NVL: variants seen among roughly 807,000 people sequenced by gnomAD.
The protein encoded by NVL is nuclear valosin-containing protein-like.
Under a neutral mutation model 110.2 loss-of-function variants are expected in NVL, and 84 were observed. The observed-to-expected ratio is 0.76, with a 90% CI of 0.64 to 0.91. NVL has a LOEUF of 0.91. Ranked by LOEUF, NVL falls within the 40% of genes least tolerant of loss-of-function variation. NVL has a pLI of 0.00. For synonymous variants in NVL, 354 were observed against 361.1 expected (o/e 0.98, Z 0.22); for missense variants, 882 against 1,035.9 (o/e 0.85, Z 2.04).
intron 18 of NVL, among the ~76,000 whole-genome samples, chr1:224,257,620 G>A (rs909672238): frequency 1.3e-5 from 2 of 151,912 alleles, no homozygotes; most frequent in African/African-American, 2.4e-5. Context: ...CTTGATCTCC[G>A]GGACTCAAGC....
chr1:224,254,563 G>GTTTTTTTGTT (rs1662935959), intron 18 of NVL, among the ~76,000 whole-genome samples: 1 of 36,702 alleles, frequency 2.7e-5, no homozygotes, highest in East Asian at 7.8e-4. Context: ...CGGCTAATTT[G>GTTTTTTTGTT]TTTTTTTTGT....
chr1:224,264,796 A>G (rs1350937679), intron 18 of NVL, among the ~76,000 whole-genome samples: 1 of 152,098 alleles, frequency 6.6e-6, no homozygotes, highest in Non-Finnish European at 1.5e-5. Context: ...GCTGGAGTGC[A>G]GTGGTGCAAT....
Position 224,294,348 on chromosome 1 carries a change from G to A in NVL, c.1244C>T (p.Ser415Leu). 6.2e-7 allele frequency: 1 copy of A among 1,614,046 alleles called. No homozygotes were observed. Among genetic ancestry groups the A allele is most frequent in the Non-Finnish European group, 8.5e-7 (1 of 1,180,018 alleles). The change falls in exon 12 of 23, where the codon TCG becomes TTG. Residue 415 changes from serine to leucine, a missense_variant. By Grantham distance (145) the Ser-to-Leu change is moderately radical. Coordinates refer to ENST00000281701, the MANE Select transcript of NVL (RefSeq NM_002533.4). ...LVIGATNRPD[S>L]LDPALRRAGR... is the part of the protein sequence containing the mutation. ...CGCACGTCTCAAAGCAGGGTCTAAC[G>A]AGTCTGGTCGATTAGTAGCTCCAAT...
At chr1:224,261,022 C>T (rs769446331) in intron 18 of NVL, among the ~76,000 whole-genome samples, 4 of 152,002 alleles carry the variant, frequency 2.6e-5, no homozygotes, top group Admixed American at 6.6e-5. Flanking sequence ...ACTATGGGCA[C>T]GTGCTACCAC....
chr1:224,277,892 G>A (rs989428111), intron 16 of NVL, among the ~76,000 whole-genome samples: 13 of 152,138 alleles, frequency 8.5e-5, no homozygotes, highest in East Asian at 7.7e-4. Flanking sequence ...TAGAAGGTCC[G>A]GGGTGTTCTC....
chr1:224,305,023 T>C lies in NVL; in HGVS notation c.748+11A>G. 6.2e-7 allele frequency: 1 copy of C among 1,612,134 alleles called. No homozygotes were observed. Among genetic ancestry groups the C allele is most frequent in the Non-Finnish European group, 8.5e-7 (1 of 1,179,434 alleles). On this transcript the variant is annotated intron_variant, in intron 7 of 22. Coordinates refer to ENST00000281701, the MANE Select transcript of NVL (RefSeq NM_002533.4). ...ACATGACCACTGCCACCAACAAGAC[T>C]CACACCTTACCTTTCTTTTGCAGGA...
intron 17 of NVL, among the ~76,000 whole-genome samples, chr1:224,270,144 G>A (rs1209526839): frequency 1.3e-5 from 2 of 151,648 alleles, no homozygotes; most frequent in Admixed American, 6.6e-5. Flanking sequence ...AACACTAACA[G>A]AATCATAATC....
intron 16 of NVL, 105 bp downstream of exon 16, chr1:224,281,018 C>T (rs1161968089): frequency 1.9e-5 from 20 of 1,076,290 alleles, no homozygotes; most frequent in Middle Eastern, 5.2e-4. Flanking sequence ...ATTTTAAATA[C>T]CAAAATACCA....
chr1:224,241,126 C>A (rs1661151249), intron 19 of NVL, among the ~76,000 whole-genome samples: 1 of 152,046 alleles, frequency 6.6e-6, no homozygotes, highest in Admixed American at 6.6e-5. Context: ...GTGTGCTCTA[C>A]CTAGGATACC....
intron 2 of NVL, among the ~76,000 whole-genome samples, chr1:224,325,216 C>T (rs1426272834): frequency 1.3e-5 from 2 of 151,112 alleles, no homozygotes; most frequent in Non-Finnish European, 2.9e-5. Context: ...GAGCCGAGAT[C>T]GCGCCACTGC....
At chr1:224,318,825 TAA>T (rs879685983) in intron 2 of NVL, among the ~76,000 whole-genome samples, 2 of 128,930 alleles carry the variant, frequency 1.6e-5, no homozygotes, top group African/African-American at 2.9e-5. Context: ...CTTCTAAAAA[TAA>T]AAAAAAAAAA....
chr1:224,283,833 T>C (rs949507707), intron 15 of NVL, among the ~76,000 whole-genome samples: 3 of 152,188 alleles, frequency 2.0e-5, no homozygotes, highest in African/African-American at 7.2e-5. Context: ...TCTACCTCCA[T>C]ACCCAGCTCT....
At chr1:224,279,192 C>T (rs1332983999) in intron 16 of NVL, among the ~76,000 whole-genome samples, 1 of 152,082 alleles carries the variant, frequency 6.6e-6, no homozygotes, top group African/African-American at 2.4e-5. Context: ...AGTATGGTTA[C>T]ATTCATTCAA....
intron 17 of NVL, among the ~76,000 whole-genome samples, chr1:224,269,146 G>A (rs1474817708): frequency 6.8e-6 from 1 of 147,444 alleles, no homozygotes; most frequent in Admixed American, 6.8e-5. Flanking sequence ...AGAGTGTACT[G>A]GTGTGATATC....
chr1:224,289,349 AATG>A, intron 13 of NVL, 132 bp downstream of exon 13: 1 of 763,970 alleles, frequency 1.3e-6, no homozygotes, highest in African/African-American at 1.8e-5. Flanking sequence ...CGTGGGTATA[AATG>A]ATAAGTATTC....
chr1:224,296,605 C>T lies in NVL; in HGVS notation c.1076G>A (p.Cys359Tyr). The change falls in exon 11 of 23, where the codon TGT becomes TAT. Residue 359 changes from cysteine (C) to tyrosine (Y), a missense_variant. This residue lies in a region of NVL where 416 missense variants were observed against 499.3 expected (regional missense o/e 0.83). Transcript: ENST00000281701. ...ATCAATTTCATCAATGAAAATGATACATGGTGCATTTGACTAGAAATAAAA... is the reference window on the plus strand; with the variant it reads ...ATCAATTTCATCAATGAAAATGATATATGGTGCATTTGACTAGAAATAAAA... ...LFEQAVSNAP[C>Y]IIFIDEIDAI... is the part of the protein sequence containing the mutation. 6.3e-7 allele frequency: 1 copy of T among 1,586,406 alleles called. No individual in the cohort carries two copies. Among genetic ancestry groups the T allele is most frequent in the Non-Finnish European group, 8.6e-7 (1 of 1,166,108 alleles).
intron 4 of NVL, among the ~76,000 whole-genome samples, chr1:224,316,719 G>A (rs1670112365): frequency 6.6e-6 from 1 of 151,360 alleles, no homozygotes; most frequent in Non-Finnish European, 1.5e-5. Context: ...GGTGGAGGGA[G>A]AAATGAATTG....
chr1:224,319,831 G>A (rs866281191), intron 2 of NVL, among the ~76,000 whole-genome samples: 1 of 151,908 alleles, frequency 6.6e-6, no homozygotes, highest in African/African-American at 2.4e-5. Context: ...ACAGTGGATC[G>A]ATCAAAACTA....
intron 5 of NVL, 138 bp downstream of exon 5, chr1:224,311,662 T>G: frequency 4.4e-6 from 3 of 677,082 alleles, no homozygotes; most frequent in Non-Finnish European, 7.9e-6. Context: ...TCAAGTGATC[T>G]GCATGCCTCA....
Sources: allele counts gnomAD v4.1 joint callset (sites outside exome capture counted in the v4.1 genomes callset), GRCh38; gene constraint gnomAD v4.1.1; regional missense constraint gnomAD v4.1.1; transcripts MANE v1.5; gene names NCBI Gene and HGNC (gene_info 2026-07-23, HGNC 2026-07-21).